The following PSME4 variants were observed in gnomAD, a reference collection of about 807,000 sequenced individuals.
PSME4 encodes the protein proteasome activator complex subunit 4.
PSME4 carries 89 observed loss-of-function variants against 253.9 expected under a neutral mutation model. The observed-to-expected ratio is 0.35, with a 90% confidence interval of 0.30 to 0.42. PSME4 has a LOEUF of 0.42. Among genes scored for constraint, PSME4 ranks in the 10% least tolerant of loss-of-function variants. The probability of loss-of-function intolerance (pLI) is 1.00; values close to 1 mark genes in which losing one functional copy is unlikely to be tolerated. For missense variants in PSME4, 2,014 were observed against 2,195.2 expected, an observed-to-expected ratio of 0.92 and a Z score of 1.65; for synonymous variants, 851 against 759.2, an observed-to-expected ratio of 1.12 and a Z score of -1.99.
chr2:53,901,574 AT>A lies in PSME4; in HGVS notation c.3076-16del. On this transcript the variant is annotated splice_polypyrimidine_tract_variant and intron_variant, in intron 27 of 46. Transcript: ENST00000404125. ...TACAAGGCACCCTGCAGAAAAAAAA[AT>A]ATATATATGTTTACATGGGAAATAA... 2 of 1,584,824 alleles carry A rather than the reference AT, an allele frequency of 1.3e-6. No homozygotes were observed. The highest frequency in any genetic ancestry group is 1.7e-6 in the Non-Finnish European group (2 of 1,157,568).
rs576313464 is a variant in PSME4 at position 53,955,922 on chromosome 2, A to C, written c.243-6639T>G. ...AGGCAACAGTGAGACCTTAGTCCCC[A>C]AAAAAACCAAAACAAAACAAAAAAA... On this transcript the variant is annotated intron_variant, in intron 1 of 46. Transcript: ENST00000404125. 8.5e-5 allele frequency among the ~76,000 whole-genome samples: 13 copies of C among 152,260 alleles called. No homozygotes were observed. In the East Asian group the frequency reaches 2.1e-3, roughly 25 times the overall value.
chr2:53,898,229 C>G, intron 30 of PSME4, 72 bp downstream of exon 30: 4 of 1,382,112 alleles, frequency 2.9e-6, no homozygotes, highest in Non-Finnish European at 4.0e-6. Context: ...TCATTCATAG[C>G]CTTCCATGTA....
chr2:53,866,722 A>T, intron 45 of PSME4, 25 bp downstream of exon 45: 1 of 1,600,930 alleles, frequency 6.2e-7, no homozygotes, highest in Non-Finnish European at 8.5e-7. Context: ...TAATACACGT[A>T]CAAACTAATA....
chr2:53,922,393 T>C, intron 17 of PSME4, 124 bp downstream of exon 17: 1 of 903,300 alleles, frequency 1.1e-6, no homozygotes, highest in Non-Finnish European at 1.8e-6. Context: ...TTCTGAAGCC[T>C]CATCAAATTT....
intron 41 of PSME4, among the ~76,000 whole-genome samples, chr2:53,885,425 A>G (rs545498947): frequency 6.6e-6 from 1 of 152,352 alleles, no homozygotes; most frequent in East Asian, 1.9e-4. Flanking sequence ...CTAATCTGCT[A>G]TTACTCAGAA....
At chr2:53,867,669 C>CA (rs35848517) in intron 44 of PSME4, among the ~76,000 whole-genome samples, 9,783 of 98,098 alleles carry the variant, frequency 0.1, 537 homozygotes, top group African/African-American at 0.18. Context: ...GACCTTACCT[C>CA]AAAAAAAAAA....
chr2:53,962,778 T>C (rs1224470981), intron 1 of PSME4, among the ~76,000 whole-genome samples: 1 of 151,886 alleles, frequency 6.6e-6, no homozygotes, highest in Non-Finnish European at 1.5e-5. Flanking sequence ...TTTGGGAGGC[T>C]GAGGCAGGCG....
chr2:53,893,554 TC>T, intron 35 of PSME4, 119 bp downstream of exon 35: 1 of 1,531,290 alleles, frequency 6.5e-7, no homozygotes, highest in African/African-American at 1.4e-5. Flanking sequence ...CAGTGTAAAT[TC>T]CAGTGCCATT....
chr2:53,969,331 CTTT>C (rs1389383051), intron 1 of PSME4, among the ~76,000 whole-genome samples: 1 of 152,120 alleles, frequency 6.6e-6, no homozygotes, highest in African/African-American at 2.4e-5. Flanking sequence ...AGTTTTGCTT[CTTT>C]TTAATTAAAA....
rs562995582 is a variant in PSME4 at position 53,948,527 on chromosome 2, G to A, written c.394C>T (p.Leu132Phe). Residue 132 changes from leucine (L) to phenylalanine (F), a missense_variant, in exon 3 of 47, where the codon CTT becomes TTT. Physicochemically the swap from Leu to Phe is conservative, Grantham distance 22. This residue lies in a region of PSME4 where 615 missense variants were observed against 594.4 expected (regional missense o/e 1.03). Transcript: ENST00000404125. ...LLINLLKKKE[L>F]LSRADLELPW... ...AACTCCAAATCAGCTCTTGAAAGAA[G>A]TTCCTTTTTCCTAAAAAGTAAAATA... 1 of 1,607,062 alleles carries A rather than the reference G, an allele frequency of 6.2e-7. No homozygotes were observed. Among genetic ancestry groups the A allele is most frequent in the African/African-American group, 1.3e-5 (1 of 74,870 alleles).
rs1476549153 is a variant in PSME4 at position 53,920,972 on chromosome 2, A to G, written c.2179T>C (p.Ser727Pro). ...TCTGTAGGGTAGATAAGTGTGGTAG[A>G]ACGGAGAAGATGATGCAAAAGGTTA... ...SCNLLHHLLR[S>P]TTLIYPTEYC... Residue 727 changes from serine to proline, a missense_variant, in exon 18 of 47, where the codon TCT (serine) becomes CCT (proline). Coordinates refer to ENST00000404125, the MANE Select transcript of PSME4 (RefSeq NM_014614.3). 3 of 1,614,090 alleles carry G rather than the reference A, an allele frequency of 1.9e-6. No homozygotes were observed. The South Asian group carries it at 3.3e-5, about 18-fold the overall frequency.
At position 53,931,866 on chromosome 2, in the gene PSME4, G is replaced by A. The variant is rs1385611481; in HGVS notation, c.1285C>T (p.Pro429Ser). 10 of 1,614,038 alleles carry A rather than the reference G, an allele frequency of 6.2e-6. No individual in the cohort carries two copies. In the Admixed American group the frequency reaches 1.2e-4, roughly 19 times the overall value. Residue 429 changes from proline to serine, a missense_variant, in exon 10 of 47, where the codon CCT becomes TCT. Around this residue, in one of 4 missense-constraint regions of PSME4, gnomAD observed 615 missense variants for 594.4 expected, o/e 1.03. Coordinates refer to ENST00000404125, the MANE Select transcript of PSME4 (RefSeq NM_014614.3). ...AGTACAGGGGGTATTACCAATTCAGGTCTCATGAGTGCAAGATTCTGCAAA... is the reference window on the plus strand; with the variant it reads ...AGTACAGGGGGTATTACCAATTCAGATCTCATGAGTGCAAGATTCTGCAAA... Reference protein sequence around the residue: ...QALQNLALMRPELVIPPVLER... With the variant: ...QALQNLALMRSELVIPPVLER...
intron 46 of PSME4, chr2:53,865,850 C>T (rs1416629685): frequency 4.3e-6 from 2 of 470,002 alleles, no homozygotes; most frequent in Admixed American, 3.9e-5. Context: ...CACTCATCTA[C>T]AAAGGTCCAA....
At chr2:53,950,628 G>C (rs577242293) in intron 1 of PSME4, among the ~76,000 whole-genome samples, 176 of 152,004 alleles carry the variant, frequency 1.2e-3, no homozygotes, top group African/African-American at 4.2e-3. Context: ...GATTACCTGA[G>C]GTCAGGAGTT....
chr2:53,887,843 G>T lies in PSME4; in HGVS notation c.4520+15C>A. On this transcript the variant is annotated intron_variant, in intron 39 of 46. Coordinates refer to ENST00000404125, the MANE Select transcript of PSME4 (RefSeq NM_014614.3). ...AAGAACTCGAGAGGTACACCACAGA[G>T]AAAACAGTACCTACCTTCCTATTCT... The T allele has an allele frequency of 6.3e-7, 1 of 1,577,230 alleles. No individual in the cohort carries two copies. Among genetic ancestry groups the T allele is most frequent in the South Asian group, 1.1e-5 (1 of 87,678 alleles).
At chr2:53,959,071 C>T (rs1285104318) in intron 1 of PSME4, among the ~76,000 whole-genome samples, 4 of 152,142 alleles carry the variant, frequency 2.6e-5, no homozygotes, top group Admixed American at 2.6e-4. Context: ...AATCCTAGCA[C>T]TTTGGGAAGC....
In PSME4 at chr2:53,864,469, A is replaced by T. The variant is rs776930793; in HGVS notation, c.*1109T>A. 6.6e-6 allele frequency: 1 copy of T among 152,540 alleles called. No individual in the cohort carries two copies. The highest frequency in any genetic ancestry group is 1.5e-5 in the Non-Finnish European group (1 of 68,016). The allele number at this position is 152,540 out of a possible 1,614,324, so 9.4% of individuals were successfully genotyped here. Reference sequence around the variant, plus strand: ...AACCCCACATCTCAGTTTTTGTAACAAGATAAAGAAAATAATTTAAAAACA... The same window carrying T: ...AACCCCACATCTCAGTTTTTGTAACTAGATAAAGAAAATAATTTAAAAACA... On this transcript the variant is annotated 3_prime_UTR_variant, in exon 47 of 47. Coordinates refer to ENST00000404125, the MANE Select transcript of PSME4 (RefSeq NM_014614.3).
chr2:53,866,827 T>C lies in PSME4; in HGVS notation c.5317A>G (p.Ser1773Gly). The part of the protein sequence containing the change: ...VLGLGACVLS[S>G]PYDVPTWMPQ... The stretch of plus-strand genomic sequence containing the variant: ...ATCCAGGTGGGAACATCGTAAGGAC[T>C]AGAAAGAACACATGCACCAAGTCCT... The change falls in exon 45 of 47, where the codon AGT becomes GGT. Residue 1773 changes from serine (S) to glycine (G), a missense_variant. Ser to Gly is a moderately conservative substitution (Grantham distance 56). Coordinates refer to ENST00000404125, the MANE Select transcript of PSME4 (RefSeq NM_014614.3). 6.2e-7 allele frequency: 1 copy of C among 1,614,056 alleles called. No homozygotes were observed.
At chr2:53,970,470 A>G in intron 1 of PSME4, 73 bp downstream of exon 1, 1 of 1,543,378 alleles carries the variant, frequency 6.5e-7, no homozygotes, top group Non-Finnish European at 8.7e-7. Context: ...CCTCTGGACA[A>G]AGAGCAACCA....
Sources: allele counts gnomAD v4.1 joint callset (sites outside exome capture counted in the v4.1 genomes callset), GRCh38; gene constraint gnomAD v4.1.1; regional missense constraint gnomAD v4.1.1; transcripts MANE v1.5; gene names NCBI Gene and HGNC (gene_info 2026-07-23, HGNC 2026-07-21).